Variants in TAFA2 observed in about 807,000 individuals in gnomAD.
TAFA2 encodes the protein TAFA chemokine like family member 2, also known as chemokine-like protein TAFA-2.
TAFA2 carries 7 observed loss-of-function variants against 18.8 expected under a neutral mutation model. That is an observed-to-expected ratio of 0.37 (90% confidence interval 0.21 to 0.70). The LOEUF is 0.70. Ranked by LOEUF, TAFA2 falls within the 30% of genes least tolerant of loss-of-function variation. The pLI is 0.53. For synonymous variants in TAFA2, 60 were observed against 54.2 expected (o/e 1.11, Z -0.47); for missense variants, 122 against 158.1 (o/e 0.77, Z 1.23).
chr12:61,974,383 CT>C (rs1466425083), intron 1 of TAFA2, among the ~76,000 whole-genome samples: 1 of 151,680 alleles, frequency 6.6e-6, no homozygotes, highest in African/African-American at 2.4e-5. Context: ...TTTCTGGCCA[CT>C]TTTTGGTCCT....
intron 2 of TAFA2, among the ~76,000 whole-genome samples, chr12:61,813,191 T>C (rs1261473827): frequency 6.6e-6 from 1 of 151,352 alleles, no homozygotes; most frequent in East Asian, 1.9e-4. Flanking sequence ...TTTTAAACTT[T>C]GACAATTTTA....
At chr12:62,210,728 G>A (rs2136972893) in intron 1 of TAFA2, among the ~76,000 whole-genome samples, 1 of 152,254 alleles carries the variant, frequency 6.6e-6, no homozygotes, top group Non-Finnish European at 1.5e-5. Context: ...GATTTTAGTA[G>A]TGAAAAGGAT....
chr12:61,888,336 T>C (rs1875480690), intron 1 of TAFA2, among the ~76,000 whole-genome samples: 1 of 152,200 alleles, frequency 6.6e-6, no homozygotes, highest in African/African-American at 2.4e-5. Flanking sequence ...CCCTAAGTGA[T>C]TAGAGCCAGG....
intron 2 of TAFA2, among the ~76,000 whole-genome samples, chr12:61,791,753 CAT>C (rs1870989650): frequency 6.6e-6 from 1 of 151,610 alleles, no homozygotes; most frequent in African/African-American, 2.4e-5. Flanking sequence ...AAAGGGAAAA[CAT>C]GTACTGTTTG....
At chr12:62,138,990 C>T (rs1167314548) in intron 1 of TAFA2, among the ~76,000 whole-genome samples, 1 of 151,994 alleles carries the variant, frequency 6.6e-6, no homozygotes, top group African/African-American at 2.4e-5. Flanking sequence ...AGTTTCCTTC[C>T]TTTTCCATGG....
At chr12:62,118,715 T>C (rs1870067567) in intron 1 of TAFA2, among the ~76,000 whole-genome samples, 1 of 152,142 alleles carries the variant, frequency 6.6e-6, no homozygotes, top group Admixed American at 6.5e-5. Flanking sequence ...TGATCACTAA[T>C]GGATGTGATA....
chr12:61,937,486 C>G (rs1877817333), intron 1 of TAFA2, among the ~76,000 whole-genome samples: 1 of 151,840 alleles, frequency 6.6e-6, no homozygotes, highest in South Asian at 2.1e-4. Flanking sequence ...AATAGAGAAC[C>G]CAGAAAAAAA....
At chr12:62,164,816 A>G (rs549199189) in intron 1 of TAFA2, among the ~76,000 whole-genome samples, 1 of 152,116 alleles carries the variant, frequency 6.6e-6, no homozygotes, top group Non-Finnish European at 1.5e-5. Flanking sequence ...TAAATGAAAG[A>G]ATAGGTGTAA....
At position 61,811,718 on chromosome 12, in the gene TAFA2, C is replaced by A. The variant is rs1200085596; in HGVS notation, c.106+55602G>T. ...GTAGAAAATTACAATTAATATTGGC[C>A]CTGCCTGAATGGGTAGAATTCAATA... On this transcript the variant is annotated intron_variant, in intron 2 of 4. Coordinates refer to ENST00000416284, the MANE Select transcript of TAFA2 (RefSeq NM_178539.5). Among the ~76,000 whole-genome samples the A allele has an allele frequency of 4.6e-5, 7 of 151,260 alleles. No homozygotes were observed. The East Asian group carries it at 1.4e-3, about 29-fold the overall frequency.
At chr12:62,058,568 G>T (rs1565730674) in intron 1 of TAFA2, among the ~76,000 whole-genome samples, 1 of 152,138 alleles carries the variant, frequency 6.6e-6, no homozygotes, top group Non-Finnish European at 1.5e-5. Flanking sequence ...GCTATAGTAT[G>T]TCTGACAGCG....
intron 1 of TAFA2, among the ~76,000 whole-genome samples, chr12:62,035,941 C>T (rs1592563517): frequency 6.6e-6 from 1 of 151,516 alleles, no homozygotes; most frequent in East Asian, 1.9e-4. Flanking sequence ...GGGGTTTCAC[C>T]GTGTTAGCCA....
intron 1 of TAFA2, among the ~76,000 whole-genome samples, chr12:62,203,780 C>G (rs1322841315): frequency 6.6e-6 from 1 of 152,186 alleles, no homozygotes; most frequent in Non-Finnish European, 1.5e-5. Flanking sequence ...GGTCTTGACT[C>G]TTTACCCAGC....
rs71083986 is a variant in TAFA2, at chr12:62,202,821, C to CTTTTTTTT, written c.-130+55934_-130+55941dup. 1.3e-4 allele frequency among the ~76,000 whole-genome samples: 8 copies of CTTTTTTTT among 61,632 alleles called. 2 individuals carry two copies. The East Asian group carries it at 1.8e-3, about 14-fold the overall frequency. 40.4% of individuals were successfully genotyped at this position (61,632 alleles called of 152,430 possible). On this transcript the variant is annotated intron_variant, in intron 1 of 5. Coordinates refer to the TAFA2 transcript ENST00000551619. ...TCAATTTACATGTAGCTGTGTGGTT[C>CTTTTTTTT]TTTTTTTTTTTTTTTTTTTTTTTTT...
chr12:61,744,609 C>T (rs184745128), intron 4 of TAFA2, among the ~76,000 whole-genome samples: 34 of 152,184 alleles, frequency 2.2e-4, no homozygotes, highest in African/African-American at 8.2e-4. Flanking sequence ...GGCTAGAGTT[C>T]AGTGGCACAA....
intron 1 of TAFA2, among the ~76,000 whole-genome samples, chr12:62,081,899 T>C (rs1242669564): frequency 2.6e-5 from 4 of 152,098 alleles, no homozygotes; most frequent in Non-Finnish European, 4.4e-5. Context: ...ACCTAGGTAT[T>C]AGGCCCAGCA....
chr12:61,918,412 T>C (rs1316638877), intron 1 of TAFA2, among the ~76,000 whole-genome samples: 1 of 152,170 alleles, frequency 6.6e-6, no homozygotes, highest in Admixed American at 6.6e-5. Context: ...ATGTGAAGTT[T>C]GTCTTTCTAT....
At chr12:62,241,335 A>T (rs2136989841) in intron 1 of TAFA2, among the ~76,000 whole-genome samples, 1 of 152,364 alleles carries the variant, frequency 6.6e-6, no homozygotes, top group Non-Finnish European at 1.5e-5. Context: ...ATCAAAGAAA[A>T]GCATGACCAT....
chr12:62,225,260 C>T (rs887034175), intron 1 of TAFA2, among the ~76,000 whole-genome samples: 1 of 152,136 alleles, frequency 6.6e-6, no homozygotes, highest in Non-Finnish European at 1.5e-5. Flanking sequence ...TGCTTCAAGT[C>T]AGTAGAGAAT....
chr12:61,840,725 C>T (rs545230563), intron 2 of TAFA2, among the ~76,000 whole-genome samples: 13 of 152,084 alleles, frequency 8.5e-5, no homozygotes, highest in African/African-American at 2.9e-4. Context: ...AAAGGAACAA[C>T]GAAAACAATG....
Sources: allele counts gnomAD v4.1 joint callset (sites outside exome capture counted in the v4.1 genomes callset), GRCh38; gene constraint gnomAD v4.1.1; transcripts MANE v1.5; gene names NCBI Gene and HGNC (gene_info 2026-07-23, HGNC 2026-07-21).